The following NCALD variants were observed in gnomAD, a reference collection of about 807,000 sequenced individuals.
NCALD encodes the protein neurocalcin delta, also known as neurocalcin-delta.
In NCALD, 10 loss-of-function variants were observed where a neutral mutation model predicts 18.6. The observed-to-expected ratio is 0.54, with a 90% CI of 0.33 to 0.91. NCALD has a LOEUF of 0.91. Among genes scored for constraint, NCALD ranks in the 40% least tolerant of loss-of-function variants. The pLI is 0.03. For synonymous variants in NCALD, 88 were observed against 87.4 expected, an observed-to-expected ratio of 1.01 and a Z score of -0.04; for missense variants, 184 against 247.6, an observed-to-expected ratio of 0.74 and a Z score of 1.72.
At chr8:101,928,736 G>A (rs997567042) in intron 2 of NCALD, among the ~76,000 whole-genome samples, 6 of 151,688 alleles carry the variant, frequency 4.0e-5, no homozygotes, top group African/African-American at 1.5e-4. Flanking sequence ...GTTGCCTCTT[G>A]CAACTTTTCT....
At chr8:101,930,918 G>A (rs536207267) in intron 2 of NCALD, among the ~76,000 whole-genome samples, 14 of 152,270 alleles carry the variant, frequency 9.2e-5, no homozygotes, top group African/African-American at 3.1e-4. Context: ...TTGCTAGTCT[G>A]TGAGTTGTTA....
intron 2 of NCALD, among the ~76,000 whole-genome samples, chr8:101,918,907 ATGT>A (rs1238816988): frequency 3.9e-5 from 6 of 152,306 alleles, no homozygotes; most frequent in African/African-American, 1.4e-4. Context: ...AGGAGGATCA[ATGT>A]TGTTACATTG....
intron 1 of NCALD, among the ~76,000 whole-genome samples, chr8:102,123,598 C>T (rs981010037): frequency 2.0e-5 from 3 of 152,166 alleles, no homozygotes; most frequent in Non-Finnish European, 4.4e-5. Flanking sequence ...AACACTCAAA[C>T]ACATCTCCCC....
intron 1 of NCALD, among the ~76,000 whole-genome samples, chr8:102,033,475 C>A (rs1321820294): frequency 2.0e-5 from 3 of 152,166 alleles, no homozygotes; most frequent in Non-Finnish European, 2.9e-5. Flanking sequence ...AAGCTAGTCA[C>A]AAAATTTTGC....
At chr8:101,940,109 A>G (rs1270499320) in intron 2 of NCALD, among the ~76,000 whole-genome samples, 2 of 152,204 alleles carry the variant, frequency 1.3e-5, no homozygotes, top group African/African-American at 4.8e-5. Context: ...ACATTTGTCC[A>G]CATCTTGAGC....
chr8:101,988,362 A>C (rs944299250), intron 2 of NCALD, among the ~76,000 whole-genome samples: 1 of 152,168 alleles, frequency 6.6e-6, no homozygotes, highest in East Asian at 1.9e-4. Flanking sequence ...ACACAGGCTG[A>C]AGCAGTAGAG....
At chr8:101,744,845 T>G (rs1024221723) in intron 1 of NCALD, among the ~76,000 whole-genome samples, 1 of 152,116 alleles carries the variant, frequency 6.6e-6, no homozygotes, top group Admixed American at 6.6e-5. Flanking sequence ...GTACTCCTGC[T>G]GCCTGGAAAG....
At chr8:102,115,193 G>T (rs1183586658) in intron 1 of NCALD, among the ~76,000 whole-genome samples, 6 of 152,350 alleles carry the variant, frequency 3.9e-5, no homozygotes, top group Admixed American at 1.3e-4. Flanking sequence ...ACTAAATTCT[G>T]TAAGTATCAC....
At chr8:102,107,195 CATATATATAT>C (rs67447416) in intron 1 of NCALD, among the ~76,000 whole-genome samples, 8,927 of 89,166 alleles carry the variant, frequency 0.1, 428 homozygotes, top group Non-Finnish European at 0.13. Flanking sequence ...TATGTGTGTA[CATATATATAT>C]ATATATATAT....
At chr8:101,943,108 T>A (rs1039816809) in intron 2 of NCALD, among the ~76,000 whole-genome samples, 1 of 152,102 alleles carries the variant, frequency 6.6e-6, no homozygotes, top group Non-Finnish European at 1.5e-5. Context: ...CCAAACATTG[T>A]TGGGGGGTTC....
At chr8:101,904,425 TC>T (rs900982550) in intron 3 of NCALD, among the ~76,000 whole-genome samples, 8 of 152,048 alleles carry the variant, frequency 5.3e-5, no homozygotes, top group Non-Finnish European at 1.5e-5. Flanking sequence ...CCCACTTCCT[TC>T]CTTTATGACT....
At chr8:101,824,350 G>A (rs1467432451) in intron 4 of NCALD, among the ~76,000 whole-genome samples, 1 of 152,164 alleles carries the variant, frequency 6.6e-6, no homozygotes, top group Non-Finnish European at 1.5e-5. Context: ...TTCTCAGGCT[G>A]ACAACAGCTT....
chr8:101,970,867 G>GGCAAT (rs1820214128), intron 2 of NCALD, among the ~76,000 whole-genome samples: 1 of 152,110 alleles, frequency 6.6e-6, no homozygotes, highest in African/African-American at 2.4e-5. Flanking sequence ...TTATTGTTGT[G>GGCAAT]GCAATGCTGC....
At chr8:101,891,732 A>G (rs547367887) in intron 3 of NCALD, among the ~76,000 whole-genome samples, 5 of 152,288 alleles carry the variant, frequency 3.3e-5, no homozygotes, top group African/African-American at 1.2e-4. Flanking sequence ...TTCCCTTTCC[A>G]AGTCAAAGAA....
chr8:102,100,267 T>C (rs1825233618), intron 1 of NCALD, among the ~76,000 whole-genome samples: 3 of 152,162 alleles, frequency 2.0e-5, no homozygotes, highest in African/African-American at 7.2e-5. Context: ...AATTTCTTCC[T>C]CAAATAGGAG....
intron 4 of NCALD, among the ~76,000 whole-genome samples, chr8:101,874,325 G>A (rs756223263): frequency 2.6e-5 from 4 of 152,136 alleles, no homozygotes; most frequent in Non-Finnish European, 5.9e-5. Context: ...ACATTTTAAT[G>A]GAGGAGAAAA....
intron 2 of NCALD, among the ~76,000 whole-genome samples, chr8:101,949,487 T>A (rs1819305733): frequency 6.6e-6 from 1 of 152,120 alleles, no homozygotes. Flanking sequence ...TATCTGGTAC[T>A]GTTAGAGAGG....
At chr8:101,943,698 T>TG (rs949431206) in intron 2 of NCALD, among the ~76,000 whole-genome samples, 2 of 151,650 alleles carry the variant, frequency 1.3e-5, no homozygotes, top group Non-Finnish European at 2.9e-5. Flanking sequence ...CCCAGCACTT[T>TG]GGGAGGCCGA....
chr8:101,756,466 C>T (rs557245394), intron 1 of NCALD, among the ~76,000 whole-genome samples: 26 of 152,292 alleles, frequency 1.7e-4, no homozygotes, highest in African/African-American at 6.3e-4. Context: ...TGTTCAACAG[C>T]GCCACTGTGT....
Sources: allele counts gnomAD v4.1 joint callset (sites outside exome capture counted in the v4.1 genomes callset), GRCh38; gene constraint gnomAD v4.1.1; transcripts MANE v1.5; gene names NCBI Gene and HGNC (gene_info 2026-07-23, HGNC 2026-07-21).